The following PRPS2 variants were observed in gnomAD, a reference collection of about 807,000 sequenced individuals.
PRPS2 encodes the protein phosphoribosyl pyrophosphate synthetase 2.
For synonymous variants in PRPS2, 111 were observed against 115.3 expected, an observed-to-expected ratio of 0.96 and a Z score of 0.24; for missense variants, 104 against 271.5, an observed-to-expected ratio of 0.38 and a Z score of 4.34.
Position 12,817,605 on chromosome X carries a change from T to C in PRPS2, c.531-1902T>C, listed in dbSNP as rs556642487. On this transcript the variant is annotated intron_variant, in intron 4 of 6. Coordinates refer to ENST00000380668, the MANE Select transcript of PRPS2 (RefSeq NM_002765.5). ...ACTCAAACAGATACTTATACACCAG[T>C]GTTCATAGCGGCAGTATTCAGTATA... 1.1e-4 allele frequency among the ~76,000 whole-genome samples: 12 copies of C among 111,121 alleles called. No homozygotes were observed. In the South Asian group the frequency reaches 4.6e-3, roughly 43 times the overall value.
intron 1 of PRPS2, among the ~76,000 whole-genome samples, chrX:12,795,583 G>A (rs1056020171): frequency 1.8e-5 from 2 of 111,920 alleles, no homozygotes; most frequent in Non-Finnish European, 3.8e-5. Flanking sequence ...CAGAAGGGTG[G>A]AAGGGCAAGA....
intron 4 of PRPS2, among the ~76,000 whole-genome samples, chrX:12,813,546 C>T (rs758486204): frequency 8.9e-6 from 1 of 111,883 alleles, no homozygotes; most frequent in African/African-American, 3.2e-5. Context: ...TGTATGGATG[C>T]CAGTGACTTT....
intron 4 of PRPS2, among the ~76,000 whole-genome samples, chrX:12,812,158 A>C (rs2042627140): frequency 8.9e-6 from 1 of 111,959 alleles, no homozygotes; most frequent in African/African-American, 3.2e-5. Context: ...TATCTACTAG[A>C]AATGCTTGCA....
chrX:12,819,777 G>A (rs771893477), intron 5 of PRPS2, 97 bp downstream of exon 5: 154 of 979,643 alleles, frequency 1.6e-4, no homozygotes, highest in Non-Finnish European at 1.9e-4. Context: ...GATTATTGCC[G>A]GTCTTGGCAG....
chrX:12,822,650 C>CT (rs1471247276), intron 6 of PRPS2, 54 bp from the exon 7 acceptor site: 20 of 1,056,879 alleles, frequency 1.9e-5, no homozygotes, highest in Non-Finnish European at 2.6e-5. Flanking sequence ...TTAAAGAACT[C>CT]TAACTAAGAT....
intron 1 of PRPS2, among the ~76,000 whole-genome samples, chrX:12,795,198 T>A (rs1033015620): frequency 9.0e-6 from 1 of 111,607 alleles, no homozygotes; most frequent in African/African-American, 3.3e-5. Context: ...CCAGGATAAT[T>A]TCCCCATGTT....
chrX:12,797,654 A>C (rs2042551036), intron 1 of PRPS2, among the ~76,000 whole-genome samples: 1 of 111,999 alleles, frequency 8.9e-6, no homozygotes, highest in East Asian at 2.8e-4. Flanking sequence ...CATTGGAACA[A>C]ATTTGCCTTT....
chrX:12,796,005 CACA>C (rs1328597142), intron 1 of PRPS2, among the ~76,000 whole-genome samples: 1 of 111,572 alleles, frequency 9.0e-6, no homozygotes, highest in Non-Finnish European at 1.9e-5. Flanking sequence ...AACTAATTTT[CACA>C]ACATGTCAAC....
At chrX:12,817,758 G>A (rs901606831) in intron 4 of PRPS2, among the ~76,000 whole-genome samples, 4 of 111,848 alleles carry the variant, frequency 3.6e-5, no homozygotes, top group Non-Finnish European at 5.6e-5. Flanking sequence ...GCAGCCGTGT[G>A]GATGGACTAT....
At position 12,795,224 on chromosome X, in the gene PRPS2, G is replaced by A. The variant is rs1319934929; in HGVS notation, c.122+3605G>A. Among the ~76,000 whole-genome samples the A allele has an allele frequency of 2.7e-5, 3 of 111,667 alleles. No homozygotes were observed. The Admixed American group carries it at 2.9e-4, about 11-fold the overall frequency. Reference sequence around the variant, plus strand: ...TCCCCATGTTAAGGTCAGCTGATGAGCAACCTGAATGCTATCTGCAAATTT... The same window carrying A: ...TCCCCATGTTAAGGTCAGCTGATGAACAACCTGAATGCTATCTGCAAATTT... On this transcript the variant is annotated intron_variant, in intron 1 of 6. Coordinates refer to ENST00000380668, the MANE Select transcript of PRPS2 (RefSeq NM_002765.5).
intron 1 of PRPS2, among the ~76,000 whole-genome samples, chrX:12,797,637 T>C (rs1376541573): frequency 8.9e-6 from 1 of 111,899 alleles, no homozygotes; most frequent in Admixed American, 9.5e-5. Context: ...TTCCAAATAA[T>C]ATCAATCATT....
chrX:12,796,100 A>G (rs1036527726), intron 1 of PRPS2, among the ~76,000 whole-genome samples: 2 of 111,250 alleles, frequency 1.8e-5, no homozygotes, highest in African/African-American at 6.5e-5. Flanking sequence ...AGGCTGGACT[A>G]GAACTCCTGG....
chrX:12,815,304 C>T (rs2042641949), intron 4 of PRPS2, among the ~76,000 whole-genome samples: 1 of 111,035 alleles, frequency 9.0e-6, no homozygotes, highest in Non-Finnish European at 1.9e-5. Context: ...AGTCCCACTT[C>T]CATGCCTACC....
intron 4 of PRPS2, among the ~76,000 whole-genome samples, chrX:12,818,138 G>A (rs1218246527): frequency 9.0e-6 from 1 of 110,708 alleles, no homozygotes; most frequent in African/African-American, 3.3e-5. Context: ...GGAAGCTGAG[G>A]TGGGCGGATC....
rs915569658 is a variant in PRPS2, at chrX:12,791,425, C to G, written c.-73C>G. 4.4e-6 allele frequency: 5 copies of G among 1,135,138 alleles called. No individual in the cohort carries two copies. In the South Asian group the frequency reaches 5.8e-5, roughly 13 times the overall value. 93.5% of individuals were successfully genotyped at this position (1,135,138 alleles called of 1,213,427 possible). On this transcript the variant is annotated 5_prime_UTR_variant, in exon 1 of 7. Transcript: ENST00000380668. ...TTTCCCGCTCCCGCAGCAGCAGCCT[C>G]CCGCGTCGCTGTCGCTGTTGCCTCC...
Position 12,809,970 on chromosome X carries a change from GAAAAC to G in PRPS2, c.406-36_406-32del, listed in dbSNP as rs1038400644. The G allele has an allele frequency of 5.6e-4, 489 of 869,552 alleles. No homozygotes were observed. The African/African-American group carries it at 0.012, about 22-fold the overall frequency. The allele number at this position is 869,552 out of a possible 1,213,427, so 71.7% of individuals were successfully genotyped here. On this transcript the variant is annotated intron_variant, in intron 3 of 6. Transcript: ENST00000380668. ...GCGATTATCGTTTAAAAAAACAAAA[GAAAAC>G]AAAACAAAACAAAACCCTGCAACAT...
intron 2 of PRPS2, among the ~76,000 whole-genome samples, chrX:12,800,326 C>A (rs1174241916): frequency 1.8e-5 from 2 of 111,745 alleles, no homozygotes; most frequent in African/African-American, 6.5e-5. Flanking sequence ...TTCACCTGGC[C>A]TCTTCCCTGT....
chrX:12,793,683 G>C (rs2042530284), intron 1 of PRPS2, among the ~76,000 whole-genome samples: 2 of 112,296 alleles, frequency 1.8e-5, no homozygotes, highest in South Asian at 7.4e-4. Context: ...TAATCGTAGA[G>C]AGGAAAAACT....
At chrX:12,810,941 C>T (rs1439366931) in intron 4 of PRPS2, among the ~76,000 whole-genome samples, 10 of 111,789 alleles carry the variant, frequency 8.9e-5, no homozygotes, top group African/African-American at 2.9e-4. Context: ...ATCTTTACCT[C>T]GGCCTTTGGT....
Sources: gnomAD v4.1 joint callset for allele counts (sites outside exome capture counted in the v4.1 genomes callset) on GRCh38, gnomAD v4.1.1 for gene constraint, MANE v1.5 for transcripts, NCBI Gene and HGNC (gene_info 2026-07-23, HGNC 2026-07-21) for gene names.